ERBB4: variants seen among roughly 807,000 people sequenced by gnomAD.
ERBB4 encodes the protein receptor tyrosine-protein kinase erbB-4.
In ERBB4, 42 loss-of-function variants were observed where a neutral mutation model predicts 158.0. That is an observed-to-expected ratio of 0.27 (90% CI 0.21 to 0.34). ERBB4 has a LOEUF of 0.34. Among genes scored for constraint, ERBB4 ranks in the 10% least tolerant of loss-of-function variants. The pLI, the probability that ERBB4 is intolerant of heterozygous loss-of-function variation, is 1.00. For synonymous variants in ERBB4, 583 were observed against 558.7 expected (o/e 1.04, Z -0.61); for missense variants, 1,333 against 1,624.1 (o/e 0.82, Z 3.08).
rs143985285 is a variant in ERBB4 at position 212,350,633 on chromosome 2, G to A, written c.82+187816C>T. On this transcript the variant is annotated intron_variant, in intron 1 of 27. Transcript: ENST00000342788. Reference sequence around the variant, plus strand: ...GAAAATTGTAAAGCGATATTAAGTCGTTCAAATCTTTCATGAGTTCTATGA... The same window carrying A: ...GAAAATTGTAAAGCGATATTAAGTCATTCAAATCTTTCATGAGTTCTATGA... 2.7e-3 allele frequency among the ~76,000 whole-genome samples: 409 copies of A among 152,100 alleles called. 3 individuals carry two copies. Among genetic ancestry groups the A allele is most frequent in the Non-Finnish European group, 2.6e-3 (180 of 67,966 alleles).
intron 1 of ERBB4, among the ~76,000 whole-genome samples, chr2:212,287,887 G>A (rs1209087615): frequency 4.6e-5 from 7 of 152,040 alleles, no homozygotes; most frequent in African/African-American, 1.7e-4. Flanking sequence ...GCAACAACAC[G>A]CACTGGGGCC....
At chr2:212,006,262 A>T (rs1209536007) in intron 2 of ERBB4, among the ~76,000 whole-genome samples, 1 of 152,106 alleles carries the variant, frequency 6.6e-6, no homozygotes, top group African/African-American at 2.4e-5. Flanking sequence ...CAATATATAA[A>T]TAAACTTTCA....
rs1693257319 is a variant in ERBB4, at chr2:212,538,767, C to A, written c.-237G>T. 2.6e-6 allele frequency: 1 copy of A among 383,520 alleles called. No individual in the cohort carries two copies. The highest frequency in any genetic ancestry group is 4.1e-5 in the East Asian group (1 of 24,670). The allele number at this position is 383,520 out of a possible 1,614,324, so 23.8% of individuals were successfully genotyped here. The stretch of plus-strand genomic sequence containing the variant: ...GCGTGTGTGCGCGTGTGGGAGTGTG[C>A]TCGGTGTGTGCGCTTGGCGCTCTGG... On this transcript the variant is annotated 5_prime_UTR_variant, in exon 1 of 28. Transcript: ENST00000342788.
chr2:212,487,976 G>A (rs550488265), intron 1 of ERBB4, among the ~76,000 whole-genome samples: 39 of 152,028 alleles, frequency 2.6e-4, no homozygotes, highest in African/African-American at 7.5e-4. Flanking sequence ...TCAATAACAC[G>A]TGCTCTCTTC....
intron 1 of ERBB4, among the ~76,000 whole-genome samples, chr2:212,441,918 A>T (rs2092262869): frequency 6.6e-6 from 1 of 152,202 alleles, no homozygotes; most frequent in Non-Finnish European, 1.5e-5. Context: ...ATGCCTTGTG[A>T]AACACATCGG....
chr2:211,905,710 GTA>G (rs1324797193), intron 3 of ERBB4, among the ~76,000 whole-genome samples: 8 of 123,552 alleles, frequency 6.5e-5, no homozygotes, highest in Admixed American at 4.2e-4. Context: ...GTATGTGTGT[GTA>G]TATATGTGTG....
At chr2:212,201,621 C>T (rs1297213802) in intron 1 of ERBB4, among the ~76,000 whole-genome samples, 6 of 152,074 alleles carry the variant, frequency 3.9e-5, no homozygotes, top group African/African-American at 9.7e-5. Context: ...TTAAAAGGTA[C>T]ATTGGAATTA....
intron 1 of ERBB4, among the ~76,000 whole-genome samples, chr2:212,267,747 C>A (rs959520254): frequency 2.0e-5 from 3 of 151,420 alleles, no homozygotes; most frequent in African/African-American, 7.3e-5. Context: ...TATCCCTCCC[C>A]CCTTCCCCCA....
At position 211,378,908 on chromosome 2, in the gene ERBB4, A is replaced by G. The variant is rs927758120; in HGVS notation, c.*4707T>C. On this transcript the variant is annotated 3_prime_UTR_variant, in exon 28 of 28. Transcript: ENST00000342788. ...GTTTCTTTTTTTTTTTTTAACAACT[A>G]GAAGCTGATGTTGTAGGATCAGCTC... The G allele has an allele frequency of 8.6e-6, 2 of 231,568 alleles. No individual in the cohort carries two copies. The highest frequency in any genetic ancestry group is 1.7e-5 in the Non-Finnish European group (2 of 117,190). The allele number at this position is 231,568 out of a possible 1,614,324, so 14.3% of individuals were successfully genotyped here.
chr2:211,628,348 GTGA>G (rs1242054392), intron 17 of ERBB4, among the ~76,000 whole-genome samples: 2 of 152,122 alleles, frequency 1.3e-5, no homozygotes, highest in Non-Finnish European at 2.9e-5. Context: ...GCCCCGGTGT[GTGA>G]TGTTCCCCTT....
intron 1 of ERBB4, among the ~76,000 whole-genome samples, chr2:212,214,842 T>C (rs2083049417): frequency 6.6e-6 from 1 of 151,656 alleles, no homozygotes; most frequent in Non-Finnish European, 1.5e-5. Flanking sequence ...AGCCCCTAAA[T>C]AGACACAACT....
At chr2:211,562,202 GAATC>G in intron 19 of ERBB4, 114 bp from the exon 20 acceptor site, 1 of 821,460 alleles carries the variant, frequency 1.2e-6, no homozygotes, top group East Asian at 2.6e-5. Context: ...TTACTCAATG[GAATC>G]AATCAAAATG....
intron 1 of ERBB4, among the ~76,000 whole-genome samples, chr2:212,127,455 G>T (rs1173931338): frequency 6.6e-6 from 1 of 152,122 alleles, no homozygotes; most frequent in Non-Finnish European, 1.5e-5. Context: ...AGCCGGGCCT[G>T]GTGGCGGGTG....
At chr2:212,113,391 C>T (rs916844574) in intron 2 of ERBB4, among the ~76,000 whole-genome samples, 22 of 151,520 alleles carry the variant, frequency 1.5e-4, no homozygotes, top group South Asian at 2.1e-4. Flanking sequence ...CTGGCTAACA[C>T]GGTGAAACCC....
intron 1 of ERBB4, among the ~76,000 whole-genome samples, chr2:212,447,370 A>G (rs2092377177): frequency 6.7e-6 from 1 of 150,286 alleles, no homozygotes; most frequent in Admixed American, 6.6e-5. Context: ...ACTTTGTCCT[A>G]CAAAAAGCTA....
In ERBB4 at chr2:211,420,739, C is replaced by A. The variant is rs1207210453; in HGVS notation, c.2965-128G>T. 1.0e-5 allele frequency: 9 copies of A among 859,790 alleles called. No homozygotes were observed. In the African/African-American group the frequency reaches 1.2e-4, roughly 11 times the overall value. The allele number at this position is 859,790 out of a possible 1,614,324, so 53.3% of individuals were successfully genotyped here. Reference sequence around the variant, plus strand: ...AATTCATACACACATTTTAAAAAAACAAGTCTTTAGCACAACCACCGGCCA... The same window carrying A: ...AATTCATACACACATTTTAAAAAAAAAAGTCTTTAGCACAACCACCGGCCA... On this transcript the variant is annotated intron_variant, in intron 24 of 27. Transcript: ENST00000342788.
At chr2:211,854,685 T>C (rs1000605317) in intron 3 of ERBB4, among the ~76,000 whole-genome samples, 10 of 152,184 alleles carry the variant, frequency 6.6e-5, no homozygotes, top group Non-Finnish European at 1.5e-4. Flanking sequence ...TTCACGACTG[T>C]ATAGTATTCT....
At chr2:212,213,163 C>T (rs896547971) in intron 1 of ERBB4, among the ~76,000 whole-genome samples, 2 of 151,922 alleles carry the variant, frequency 1.3e-5, no homozygotes, top group Admixed American at 6.6e-5. Context: ...TTGCAATCTA[C>T]CCATTTGACA....
chr2:212,415,780 A>C (rs13400881), intron 1 of ERBB4, among the ~76,000 whole-genome samples: 43,899 of 151,974 alleles, frequency 0.29, 7,110 homozygotes, highest in African/African-American at 0.42. Context: ...TGCTATTTAT[A>C]ATTCTCCTCT....
Sources: allele counts gnomAD v4.1 joint callset (sites outside exome capture counted in the v4.1 genomes callset), GRCh38; gene constraint gnomAD v4.1.1; transcripts MANE v1.5; gene names NCBI Gene and HGNC (gene_info 2026-07-23, HGNC 2026-07-21).